The following PRKCB variants were observed in gnomAD, a reference collection of about 807,000 sequenced individuals.
PRKCB encodes the protein protein kinase C beta type.
Under a neutral mutation model 81.5 loss-of-function variants are expected in PRKCB, and 13 were observed. That is an observed-to-expected ratio of 0.16 (90% CI 0.10 to 0.25). The LOEUF is 0.25. Among genes scored for constraint, PRKCB ranks in the 10% least tolerant of loss-of-function variants. PRKCB has a pLI of 1.00. For synonymous variants in PRKCB, 335 were observed against 321.4 expected, an observed-to-expected ratio of 1.04 and a Z score of -0.45; for missense variants, 509 against 875.7, an observed-to-expected ratio of 0.58 and a Z score of 5.29.
chr16:23,933,100 A>C (rs1321729754), intron 2 of PRKCB, among the ~76,000 whole-genome samples: 2 of 152,190 alleles, frequency 1.3e-5, no homozygotes, highest in African/African-American at 4.8e-5. Context: ...CAATGTGCCC[A>C]GGGGACAGTG....
intron 3 of PRKCB, among the ~76,000 whole-genome samples, chr16:24,008,320 G>T (rs1255963730): frequency 6.6e-6 from 1 of 152,184 alleles, no homozygotes; most frequent in East Asian, 1.9e-4. Flanking sequence ...CCTGAGAGCT[G>T]CCTTTCCAGA....
chr16:23,966,402 C>A (rs983215382), intron 2 of PRKCB, among the ~76,000 whole-genome samples: 1 of 152,192 alleles, frequency 6.6e-6, no homozygotes, highest in Admixed American at 6.5e-5. Context: ...AAGTTACCTT[C>A]TTTCTCAGTG....
chr16:24,093,595 G>A (rs1023475149), intron 6 of PRKCB, among the ~76,000 whole-genome samples: 8 of 152,172 alleles, frequency 5.3e-5, no homozygotes, highest in African/African-American at 9.7e-5. Flanking sequence ...CAAATATGGG[G>A]TGGAGTGGGA....
intron 8 of PRKCB, 113 bp from the exon 9 acceptor site, chr16:24,123,721 TG>T: frequency 9.0e-7 from 1 of 1,106,274 alleles, no homozygotes. Flanking sequence ...ATGCTTTTCA[TG>T]GGGACAGGGT....
Position 24,012,658 on chromosome 16 carries a change from G to A in PRKCB, c.289-19478G>A, listed in dbSNP as rs138372009. 2.2e-3 allele frequency among the ~76,000 whole-genome samples: 342 copies of A among 152,352 alleles called. 2 individuals are homozygous for A. Among genetic ancestry groups the A allele is most frequent in the African/African-American group, 7.0e-3 (291 of 41,588 alleles). ...TGGCTGCGAAGCAGGGTGGACATAC[G>A]TCCTCCTCTGCCAAGCTTGCCTATA... On this transcript the variant is annotated intron_variant, in intron 3 of 16. Coordinates refer to ENST00000643927, the MANE Select transcript of PRKCB (RefSeq NM_002738.7).
At chr16:24,043,660 A>C (rs765391458) in intron 5 of PRKCB, among the ~76,000 whole-genome samples, 1 of 152,140 alleles carries the variant, frequency 6.6e-6, no homozygotes, top group African/African-American at 2.4e-5. Flanking sequence ...ACGTCTTGCT[A>C]TTCAGTGTTC....
At chr16:23,889,114 T>A (rs1407760663) in intron 2 of PRKCB, among the ~76,000 whole-genome samples, 2 of 144,926 alleles carry the variant, frequency 1.4e-5, no homozygotes, top group African/African-American at 5.2e-5. Context: ...AGCTGTTCAC[T>A]CGTCCATCCA....
At chr16:23,958,053 A>T (rs1009955885) in intron 2 of PRKCB, among the ~76,000 whole-genome samples, 1 of 152,194 alleles carries the variant, frequency 6.6e-6, no homozygotes, top group African/African-American at 2.4e-5. Flanking sequence ...GTGCAGTGGC[A>T]CAATCTTGGC....
At chr16:23,875,686 TATATG>T (rs1962998453) in intron 2 of PRKCB, among the ~76,000 whole-genome samples, 1 of 145,640 alleles carries the variant, frequency 6.9e-6, no homozygotes, top group Non-Finnish European at 1.5e-5. Context: ...ATCACACACA[TATATG>T]TATGTATATC....
At position 24,200,390 on chromosome 16, in the gene PRKCB, T is replaced by C. The variant is rs372951306; in HGVS notation, c.1863+9160T>C. Among the ~76,000 whole-genome samples the C allele has an allele frequency of 4.6e-5, 7 of 152,316 alleles. No homozygotes were observed. In the East Asian group the frequency reaches 1.3e-3, roughly 29 times the overall value. On this transcript the variant is annotated intron_variant, in intron 16 of 16. Transcript: ENST00000643927. ...CTCTCTCCACCTATCTACACACCCA[T>C]GGAGAACCCATTTAAACTTCAGATC... is the stretch of plus-strand genomic sequence containing the variant.
chr16:24,185,386 T>C, intron 14 of PRKCB, 74 bp from the exon 15 acceptor site: 2 of 1,395,818 alleles, frequency 1.4e-6, no homozygotes, highest in Middle Eastern at 3.6e-4. Flanking sequence ...GGGAGGAGGG[T>C]CTGCCAGTTG....
chr16:23,980,073 A>G (rs1187255055), intron 2 of PRKCB, among the ~76,000 whole-genome samples: 1 of 152,224 alleles, frequency 6.6e-6, no homozygotes, highest in Non-Finnish European at 1.5e-5. Flanking sequence ...TGACAGAGCA[A>G]GACTTTGTCT....
At chr16:24,048,737 C>T (rs914206465) in intron 5 of PRKCB, among the ~76,000 whole-genome samples, 1 of 152,094 alleles carries the variant, frequency 6.6e-6, no homozygotes, top group Non-Finnish European at 1.5e-5. Context: ...CCACCTCGGC[C>T]CCCCAAAGTG....
At chr16:23,879,462 TTG>T in intron 2 of PRKCB, among the ~76,000 whole-genome samples, 4 of 95,960 alleles carry the variant, frequency 4.2e-5, no homozygotes, top group Admixed American at 1.0e-4. Context: ...TAAACCTTTG[TTG>T]TTGGTCCTTT....
chr16:23,960,864 A>T (rs995582924), intron 2 of PRKCB, among the ~76,000 whole-genome samples: 3 of 152,248 alleles, frequency 2.0e-5, no homozygotes, highest in Non-Finnish European at 2.9e-5. Flanking sequence ...TCCCAAACTA[A>T]GATAATTGCC....
intron 2 of PRKCB, among the ~76,000 whole-genome samples, chr16:23,985,744 A>G (rs1964795198): frequency 1.3e-5 from 2 of 152,226 alleles, no homozygotes; most frequent in Admixed American, 6.5e-5. Context: ...ACTTGGAAGA[A>G]TAAATATGCA....
At chr16:23,989,290 G>T (rs530707010) in intron 3 of PRKCB, among the ~76,000 whole-genome samples, 3 of 152,210 alleles carry the variant, frequency 2.0e-5, no homozygotes, top group Admixed American at 2.0e-4. Context: ...TAAGAGTGTT[G>T]CCCAGGCTGG....
intron 3 of PRKCB, among the ~76,000 whole-genome samples, chr16:24,005,426 C>T (rs1297981414): frequency 1.3e-5 from 2 of 152,162 alleles, no homozygotes; most frequent in African/African-American, 4.8e-5. Flanking sequence ...GCTGGTTTCT[C>T]CAGTTTTGTT....
chr16:23,933,731 A>AC (rs1964011701), intron 2 of PRKCB, among the ~76,000 whole-genome samples: 1 of 142,888 alleles, frequency 7.0e-6, no homozygotes. Flanking sequence ...CCATCTATCC[A>AC]TCCATCCATT....
Sources: allele counts gnomAD v4.1 joint callset (sites outside exome capture counted in the v4.1 genomes callset), GRCh38; gene constraint gnomAD v4.1.1; transcripts MANE v1.5; gene names NCBI Gene and HGNC (gene_info 2026-07-23, HGNC 2026-07-21).